RNASE9: variants seen among roughly 807,000 people sequenced by gnomAD.
RNASE9 encodes the protein inactive ribonuclease-like protein 9.
For missense variants in RNASE9, 263 were observed against 247.1 expected, an observed-to-expected ratio of 1.06 and a Z score of -0.43; for synonymous variants, 95 against 87.6, an observed-to-expected ratio of 1.08 and a Z score of -0.47.
At chr14:20,559,433 G>A (rs1341640457) in intron 2 of RNASE9, 149 bp downstream of exon 2, 1 of 144,568 alleles carries the variant, frequency 6.9e-6, no homozygotes, top group Non-Finnish European at 1.5e-5. Flanking sequence ...GAGACAGAGA[G>A]AAAGAGAGAC....
At chr14:20,558,155 A>T (rs909042278) in exon 3 of RNASE9, 7 of 307,446 alleles carry the variant, frequency 2.3e-5, no homozygotes, top group African/African-American at 5.2e-5. Flanking sequence ...TTAATTGCAG[A>T]AGCAACCTCC....
At chr14:20,559,118 T>G (rs899165686) in intron 2 of RNASE9, among the ~76,000 whole-genome samples, 3 of 150,630 alleles carry the variant, frequency 2.0e-5, no homozygotes, top group African/African-American at 5.0e-5. Flanking sequence ...TATTATCATT[T>G]TACTGTTTTT....
chr14:20,558,707 C>T, intron 2 of RNASE9: 1 of 901,810 alleles, frequency 1.1e-6, no homozygotes, highest in Non-Finnish European at 1.8e-6. Flanking sequence ...AGCTGTGGCC[C>T]TGCCCTTTCT....
At chr14:20,557,019 C>T (rs373988196) in exon 3 of RNASE9, 12 of 1,613,098 alleles carry the variant, frequency 7.4e-6, no homozygotes, top group African/African-American at 2.7e-5. Flanking sequence ...GCAGCTGCTG[C>T]GGCAATAGAA....
chr14:20,560,387 G>C (rs912491835), intron 1 of RNASE9: 5 of 151,846 alleles, frequency 3.3e-5, no homozygotes, highest in African/African-American at 9.7e-5. Flanking sequence ...GAAAGAAATT[G>C]TTATAATTTT....
At chr14:20,556,499 G>C in exon 3 of RNASE9, 1 of 1,613,586 alleles carries the variant, frequency 6.2e-7, no homozygotes, top group South Asian at 1.1e-5. Context: ...AAACTTCTGT[G>C]TTCAGGTGGC....
At chr14:20,558,305 C>T (rs1883794715) in exon 3 of RNASE9, 1 of 596,858 alleles carries the variant, frequency 1.7e-6, no homozygotes, top group African/African-American at 1.9e-5. Flanking sequence ...AGGCTGGATA[C>T]TAAGTTTGTA....
chr14:20,560,204 A>T (rs1467267010), intron 1 of RNASE9: 3 of 152,296 alleles, frequency 2.0e-5, no homozygotes, highest in East Asian at 1.9e-4. Flanking sequence ...ATTAATTTTT[A>T]AAAAGATTTG....
Position 20,557,032 on chromosome 14 carries a change from AG to A in RNASE9, c.37del (p.Leu13CysfsTer65). ...CAGCAGCTGCTGCGGCAATAGAAGC[AG>A]GGGCAGTGGGTGTGTGGTGATGAGA... On this transcript the variant is annotated frameshift_variant, in exon 3 of 3. Coordinates refer to ENST00000555230, the Ensembl canonical transcript of RNASE9. LOFTEE classifies it low-confidence loss of function (END_TRUNC). 6.2e-7 allele frequency: 1 copy of A among 1,613,574 alleles called. No individual in the cohort carries two copies. The highest frequency in any genetic ancestry group is 8.5e-7 in the Non-Finnish European group (1 of 1,179,688).
chr14:20,558,314 T>C, exon 3 of RNASE9: 1 of 612,220 alleles, frequency 1.6e-6, no homozygotes, highest in Non-Finnish European at 2.9e-6. Context: ...ACTAAGTTTG[T>C]ATATATGTGT....
Position 20,558,371 on chromosome 14 carries a change from G to A in RNASE9, c.-1302C>T, listed in dbSNP as rs114693862. Reference sequence around the variant, plus strand: ...GGAATTAAAGAAAGGTGGGTGTTGGGGAACACATCAGAAAGTAGAGACAGG... The same window carrying A: ...GGAATTAAAGAAAGGTGGGTGTTGGAGAACACATCAGAAAGTAGAGACAGG... On this transcript the variant is annotated 5_prime_UTR_variant, in exon 3 of 3. Transcript: ENST00000555230. The A allele has an allele frequency of 4.3e-4, 286 of 671,254 alleles. 1 individual carries two copies. In the African/African-American group the frequency reaches 4.4e-3, roughly 10 times the overall value. The allele number at this position is 671,254 out of a possible 1,614,324, so 41.6% of individuals were successfully genotyped here. A position where few individuals can be genotyped will look rare whatever the true frequency, so the allele number is the denominator to read the frequency against.
rs914992008 is a variant in RNASE9 at position 20,557,101 on chromosome 14, A to T, written c.-32T>A. ...TGCAGACACTAAAAGAGATAACGGG[A>T]TATGTTCTATTGTGATAATGTGCTT... is the stretch of plus-strand genomic sequence containing the variant. On this transcript the variant is annotated 5_prime_UTR_variant, in exon 3 of 3. Transcript: ENST00000555230. The T allele has an allele frequency of 1.3e-6, 2 of 1,580,344 alleles. No homozygotes were observed. The highest frequency in any genetic ancestry group is 3.4e-4 in the Middle Eastern group (2 of 5,878).
exon 3 of RNASE9, chr14:20,556,978 G>A: frequency 6.2e-7 from 1 of 1,614,064 alleles, no homozygotes; most frequent in Non-Finnish European, 8.5e-7. Flanking sequence ...ATCAAAATCT[G>A]TATCCACCTC....
chr14:20,556,183 C>G (rs1469862189), exon 3 of RNASE9: 8 of 370,598 alleles, frequency 2.2e-5, no homozygotes, highest in Non-Finnish European at 4.9e-6. Flanking sequence ...TTTCCTTTTC[C>G]TCTTGGTGCT....
exon 3 of RNASE9, chr14:20,557,076 T>C: frequency 6.3e-7 from 1 of 1,598,790 alleles, no homozygotes; most frequent in Non-Finnish European, 8.5e-7. Context: ...TCATTTTTCC[T>C]GCAGACACTA....
chr14:20,560,393 A>G (rs1172208615), intron 1 of RNASE9: 1 of 151,976 alleles, frequency 6.6e-6, no homozygotes, highest in East Asian at 1.9e-4. Flanking sequence ...AATTGTTATA[A>G]TTTTTTTGAA....
chr14:20,560,642 G>A (rs1883917828), intron 1 of RNASE9, among the ~76,000 whole-genome samples: 1 of 151,930 alleles, frequency 6.6e-6, no homozygotes, highest in Non-Finnish European at 1.5e-5. Context: ...ATTATTATAA[G>A]AGCTAATATT....
chr14:20,557,481 A>G, exon 3 of RNASE9: 1 of 166,500 alleles, frequency 6.0e-6, no homozygotes, highest in Admixed American at 6.2e-5. Flanking sequence ...TTCGTCTGAA[A>G]TAAATGCATC....
exon 3 of RNASE9, chr14:20,556,265 A>G: frequency 1.8e-6 from 1 of 551,324 alleles, no homozygotes; most frequent in South Asian, 2.8e-5. Context: ...GACCTGCATG[A>G]GACCACATCT....
Sources: gnomAD v4.1 joint callset for allele counts (sites outside exome capture counted in the v4.1 genomes callset) on GRCh38, gnomAD v4.1.1 for gene constraint, MANE v1.5 for transcripts, NCBI Gene and HGNC (gene_info 2026-07-23, HGNC 2026-07-21) for gene names.